Variants in MTPAP observed in about 807,000 individuals in gnomAD.
MTPAP encodes the protein mitochondrial poly(A) polymerase.
MTPAP carries 23 observed loss-of-function variants against 48.7 expected under a neutral mutation model. The observed-to-expected ratio is 0.47, with a 90% CI of 0.34 to 0.67. MTPAP has a LOEUF of 0.67. Ranked by LOEUF, MTPAP falls within the 30% of genes least tolerant of loss-of-function variation. MTPAP has a pLI of 0.01. For missense variants in MTPAP, 614 were observed against 694.3 expected, an observed-to-expected ratio of 0.88 and a Z score of 1.30; for synonymous variants, 257 against 254.1, an observed-to-expected ratio of 1.01 and a Z score of -0.11.
chr10:30,314,113 G>T (rs1214498348), intron 8 of MTPAP, 142 bp from the exon 9 acceptor site: 1 of 990,034 alleles, frequency 1.0e-6, no homozygotes, highest in Non-Finnish European at 1.5e-6. Flanking sequence ...TCAGGGGATT[G>T]AGTATGTATG....
At chr10:30,338,326 A>G (rs1369591903) in intron 3 of MTPAP, among the ~76,000 whole-genome samples, 2 of 151,888 alleles carry the variant, frequency 1.3e-5, no homozygotes, top group Non-Finnish European at 1.5e-5. Context: ...CATTAACATA[A>G]CATAACATAA....
intron 5 of MTPAP, among the ~76,000 whole-genome samples, chr10:30,325,718 C>T (rs1490024885): frequency 1.3e-5 from 2 of 151,682 alleles, no homozygotes; most frequent in Non-Finnish European, 2.9e-5. Flanking sequence ...GTGCTGCACT[C>T]CAGCCTAGGC....
rs150635605 is a variant in MTPAP, at chr10:30,337,086, T to C, written c.556-59A>G. ...AAAAAGTACAGGTCGCATAAAAAGT[T>C]ACCATTTTACTTTCAAAGATTTGGT... On this transcript the variant is annotated intron_variant, in intron 3 of 8. Transcript: ENST00000263063. 628 of 1,399,976 alleles carry C rather than the reference T, an allele frequency of 4.5e-4. 1 individual carries two copies. In the African/African-American group the frequency reaches 7.3e-3, roughly 16 times the overall value. The allele number at this position is 1,399,976 out of a possible 1,614,324, so 86.7% of individuals were successfully genotyped here. A position where few individuals can be genotyped will look rare whatever the true frequency, so the allele number is the denominator to read the frequency against.
chr10:30,341,096 T>C lies in MTPAP; in HGVS notation c.330+372A>G, dbSNP rs145700995. 3.3e-5 allele frequency among the ~76,000 whole-genome samples: 5 copies of C among 152,146 alleles called. No individual in the cohort carries two copies. In the East Asian group the frequency reaches 9.6e-4, roughly 29 times the overall value. ...AGCTGGGTGTGGTGGTGCAGGACTG[T>C]AGTCCCAGCTACTCCAGAGGCAGAA... On this transcript the variant is annotated intron_variant, in intron 2 of 8. Coordinates refer to ENST00000263063, the MANE Select transcript of MTPAP (RefSeq NM_018109.4).
rs1331685520 is a variant in MTPAP, at chr10:30,312,708, T to G, written c.*901A>C. 1 of 151,582 alleles carries G rather than the reference T, an allele frequency of 6.6e-6. No individual in the cohort carries two copies. The highest frequency in any genetic ancestry group is 1.9e-4 in the East Asian group (1 of 5,170). 9.4% of individuals were successfully genotyped at this position (151,582 alleles called of 1,614,324 possible). Reference sequence around the variant, plus strand: ...GGAGTTCAGTGTGTGCAGATCTGGGTGTACGTGGATGGTCCTGGAACCAAT... The same window carrying G: ...GGAGTTCAGTGTGTGCAGATCTGGGGGTACGTGGATGGTCCTGGAACCAAT... On this transcript the variant is annotated 3_prime_UTR_variant, in exon 9 of 9. Coordinates refer to ENST00000263063, the MANE Select transcript of MTPAP (RefSeq NM_018109.4).
chr10:30,314,502 G>A (rs1046354740), intron 8 of MTPAP, among the ~76,000 whole-genome samples: 2 of 151,816 alleles, frequency 1.3e-5, no homozygotes, highest in African/African-American at 4.8e-5. Context: ...GAGGAACAAA[G>A]GATTATTCAT....
intron 5 of MTPAP, among the ~76,000 whole-genome samples, chr10:30,323,320 C>T (rs1413620273): frequency 2.7e-5 from 4 of 150,436 alleles, no homozygotes; most frequent in East Asian, 2.0e-4. Context: ...GGCGTGGTGG[C>T]GCATGCCTGT....
At chr10:30,315,545 C>T (rs1031288496) in intron 8 of MTPAP, among the ~76,000 whole-genome samples, 98 of 149,048 alleles carry the variant, frequency 6.6e-4, no homozygotes, top group African/African-American at 2.3e-3. Context: ...CAAAAAAACA[C>T]CTAAATCCTA....
rs543386481 is a variant in MTPAP, at chr10:30,314,667, G to A, written c.1387-696C>T. ...GCAGGTGGAACACCTGAGGTCAGGA[G>A]TTCAAGACAGGCCTGACCAACATGG... is the stretch of plus-strand genomic sequence containing the variant. On this transcript the variant is annotated intron_variant, in intron 8 of 8. Transcript: ENST00000263063. Among the ~76,000 whole-genome samples the A allele has an allele frequency of 4.6e-5, 7 of 152,172 alleles. No homozygotes were observed. In the East Asian group the frequency reaches 1.2e-3, roughly 25 times the overall value.
rs1834599123 is a variant in MTPAP, at chr10:30,326,507, T to C, written c.909A>G (p.Gln303=). Residue 303 remains glutamine, a synonymous_variant, in exon 5 of 9, where the codon CAA becomes CAG. Transcript: ENST00000263063. ...DHFGPGCVGV[Q]KILNARCPLV... ...GCGGACACCGGGCATTTAATATTTT[T>C]TGCACACCCACACAGCCAGGGCCAA... 3 of 1,614,030 alleles carry C rather than the reference T, an allele frequency of 1.9e-6. No individual in the cohort carries two copies. The highest frequency in any genetic ancestry group is 2.5e-6 in the Non-Finnish European group (3 of 1,180,038).
At position 30,326,428 on chromosome 10, in the gene MTPAP, T is replaced by G. The variant is rs144990031; in HGVS notation, c.988A>C (p.Asn330His). The change falls in exon 5 of 9, where the codon AAT (asparagine) becomes CAT (histidine). Residue 330 changes from asparagine (N) to histidine (H), a missense_variant. By Grantham distance (68) the Asn-to-His change is moderately conservative (BLOSUM62 1). Transcript: ENST00000263063. ...AATAAATGTAAGCGGTCATACCTAT[T>G]GTTCGTAGTCAAATCACACTGAAAT... ...SGFQCDLTTN[N>H]RIALTSSELL... 1 of 1,613,000 alleles carries G rather than the reference T, an allele frequency of 6.2e-7. No individual in the cohort carries two copies. Among genetic ancestry groups the G allele is most frequent in the African/African-American group, 1.3e-5 (1 of 74,936 alleles).
rs150308792 is a variant in MTPAP at position 30,324,423 on chromosome 10, A to G, written c.993-1806T>C. ...TAAAAAAATAGTCAGGCGTGGTGGC[A>G]TGCACCTGTAATCCTAGCTACTCAG... On this transcript the variant is annotated intron_variant, in intron 5 of 8. Transcript: ENST00000263063. Among the ~76,000 whole-genome samples, 1,161 of 152,050 alleles carry G rather than the reference A, an allele frequency of 7.6e-3. 12 individuals carry two copies. Among genetic ancestry groups the G allele is most frequent in the African/African-American group, 0.026 (1,079 of 41,474 alleles).
intron 5 of MTPAP, among the ~76,000 whole-genome samples, chr10:30,325,126 G>T (rs1564520099): frequency 6.6e-6 from 1 of 151,760 alleles, no homozygotes; most frequent in Admixed American, 6.6e-5. Flanking sequence ...TTGATATAAA[G>T]AAAAAAACAT....
At chr10:30,319,084 G>A (rs1041852361) in intron 6 of MTPAP, among the ~76,000 whole-genome samples, 1 of 152,028 alleles carries the variant, frequency 6.6e-6, no homozygotes, top group Non-Finnish European at 1.5e-5. Context: ...GAGGCTGGGA[G>A]AAGGCCATTT....
intron 1 of MTPAP, among the ~76,000 whole-genome samples, chr10:30,347,935 C>G (rs1281262982): frequency 6.6e-6 from 1 of 150,856 alleles, no homozygotes; most frequent in African/African-American, 2.4e-5. Context: ...TTTTTGCCAC[C>G]GAATAGCTGA....
intron 5 of MTPAP, 124 bp downstream of exon 5, chr10:30,326,299 TA>T: frequency 1.1e-6 from 1 of 892,252 alleles, no homozygotes; most frequent in South Asian, 1.8e-5. Flanking sequence ...ATCCAAGTGA[TA>T]AATTTTTAAA....
rs190174353 is a variant in MTPAP at position 30,341,690 on chromosome 10, T to A, written c.158-50A>T. ...CACCACACGCACACACACAAAATTTTAAAAATATTTTGATAAGGTGTTTAA... is the reference window on the plus strand; with the variant it reads ...CACCACACGCACACACACAAAATTTAAAAAATATTTTGATAAGGTGTTTAA... On this transcript the variant is annotated intron_variant, in intron 1 of 8. Transcript: ENST00000263063. The A allele has an allele frequency of 7.5e-4, 1,195 of 1,600,686 alleles. 6 individuals are homozygous for A. The African/African-American group carries it at 0.014, about 19-fold the overall frequency.
At chr10:30,318,232 T>C (rs1298521357) in intron 6 of MTPAP, among the ~76,000 whole-genome samples, 3 of 152,180 alleles carry the variant, frequency 2.0e-5, no homozygotes, top group African/African-American at 4.8e-5. Context: ...CTCCCATTTT[T>C]TGTGTTTTTT....
rs760963882 is a variant in MTPAP at position 30,311,849 on chromosome 10, G to T, written c.*1760C>A. 6.6e-6 allele frequency: 1 copy of T among 152,464 alleles called. No individual in the cohort carries two copies. Among genetic ancestry groups the T allele is most frequent in the East Asian group, 1.9e-4 (1 of 5,176 alleles). 9.4% of individuals were successfully genotyped at this position (152,464 alleles called of 1,614,324 possible). A position where few individuals can be genotyped will look rare whatever the true frequency, so the allele number is the denominator to read the frequency against. ...CCAGGCCTTACTTGCTTCTTAAATA[G>T]AAAGTTACTCCACAGAAGCCAGGTG... On this transcript the variant is annotated 3_prime_UTR_variant, in exon 9 of 9. Transcript: ENST00000263063.
Sources: allele counts gnomAD v4.1 joint callset (sites outside exome capture counted in the v4.1 genomes callset), GRCh38; gene constraint gnomAD v4.1.1; transcripts MANE v1.5; gene names NCBI Gene and HGNC (gene_info 2026-07-23, HGNC 2026-07-21).